NHS: variants seen among roughly 807,000 people sequenced by gnomAD.
NHS encodes the protein NHS actin remodeling regulator, also known as actin remodeling regulator NHS.
In NHS, 5 loss-of-function variants were observed where a neutral mutation model predicts 72.5. That is an observed-to-expected ratio of 0.07 (90% CI 0.04 to 0.14). The LOEUF is 0.14. Among genes scored for constraint, NHS ranks in the 10% least tolerant of loss-of-function variants. The pLI is 1.00. For synonymous variants in NHS, 464 were observed against 547.7 expected, an observed-to-expected ratio of 0.85 and a Z score of 2.13; for missense variants, 1,072 against 1,355.7, an observed-to-expected ratio of 0.79 and a Z score of 3.29.
chrX:17,500,695 A>G (rs909283839), intron 1 of NHS, among the ~76,000 whole-genome samples: 50 of 112,047 alleles, frequency 4.5e-4, no homozygotes, highest in African/African-American at 1.5e-3. Flanking sequence ...GCCTCTGCAC[A>G]TACTGTCAGA....
chrX:17,458,875 G>A (rs747718331), intron 1 of NHS, among the ~76,000 whole-genome samples: 69 of 112,065 alleles, frequency 6.2e-4, no homozygotes, highest in Non-Finnish European at 1.2e-3. Flanking sequence ...GTAACCCCAG[G>A]AGCAGTGCTA....
chrX:17,674,660 A>C (rs1473722557), intron 1 of NHS, among the ~76,000 whole-genome samples: 1 of 111,832 alleles, frequency 8.9e-6, no homozygotes, highest in Non-Finnish European at 1.9e-5. Flanking sequence ...TGGAGTTTCC[A>C]TCATAGGCTC....
At chrX:17,446,934 T>C (rs2064783876) in intron 1 of NHS, among the ~76,000 whole-genome samples, 1 of 112,356 alleles carries the variant, frequency 8.9e-6, no homozygotes, top group South Asian at 3.7e-4. Context: ...AGGCTTAATA[T>C]ATCTTAAACT....
At chrX:17,412,730 G>C (rs1008681006) in intron 1 of NHS, among the ~76,000 whole-genome samples, 1 of 112,704 alleles carries the variant, frequency 8.9e-6, no homozygotes, top group Non-Finnish European at 1.9e-5. Flanking sequence ...AAAGTCTAGT[G>C]CTTGTTGACT....
chrX:17,703,201 G>A (rs960257183), intron 3 of NHS, among the ~76,000 whole-genome samples: 2 of 111,829 alleles, frequency 1.8e-5, no homozygotes, highest in Non-Finnish European at 3.8e-5. Context: ...GGGAGGCTGA[G>A]GTGGAAGGAT....
At chrX:17,625,686 C>T (rs1307083202) in intron 1 of NHS, among the ~76,000 whole-genome samples, 1 of 111,846 alleles carries the variant, frequency 8.9e-6, no homozygotes, top group African/African-American at 3.2e-5. Context: ...TTTTAGTAAC[C>T]ATTTAAAAAA....
At chrX:17,723,770 T>TGTGTGTGTGTGTGTGTGTGTGCGC (rs541219770) in intron 5 of NHS, among the ~76,000 whole-genome samples, 1 of 91,337 alleles carries the variant, frequency 1.1e-5, no homozygotes, top group Admixed American at 1.1e-4. Flanking sequence ...TGTGTGTGTG[T>TGTGTGTGTGTGTGTGTGTGTGCGC]GCGCGCGCGT....
rs190010190 is a variant in NHS at position 17,421,686 on chromosome X, C to T, written c.565+45364C>T. 1.8e-3 allele frequency among the ~76,000 whole-genome samples: 195 copies of T among 110,391 alleles called. 2 individuals carry two copies. The highest frequency in any genetic ancestry group is 5.9e-3 in the African/African-American group (178 of 30,321). ...CTGCCTCCCAGGTTCAAGCAATTCT[C>T]CTGCCTCAGCCTCCCAAGTAGCTGG... On this transcript the variant is annotated intron_variant, in intron 1 of 8. Coordinates refer to ENST00000676302, the MANE Select transcript of NHS (RefSeq NM_001291867.2).
At chrX:17,459,529 A>G (rs2064838869) in intron 1 of NHS, among the ~76,000 whole-genome samples, 1 of 112,437 alleles carries the variant, frequency 8.9e-6, no homozygotes. Context: ...ACTTATTACA[A>G]ATTAAGCCCT....
At chrX:17,569,278 A>C (rs1269812800) in intron 1 of NHS, among the ~76,000 whole-genome samples, 2 of 111,266 alleles carry the variant, frequency 1.8e-5, no homozygotes, top group Non-Finnish European at 3.8e-5. Flanking sequence ...TTACACTCCC[A>C]CCAACAGTGT....
In NHS at chrX:17,735,096, G is replaced by C. The variant is rs1045845513; in HGVS notation, c.*2632G>C. ...TCACAGAACTAACCCTTATAATATA[G>C]TTTTACTTATTTTGTTTACTCTAAA... On this transcript the variant is annotated 3_prime_UTR_variant, in exon 9 of 9. Transcript: ENST00000676302. 8.9e-6 allele frequency: 1 copy of C among 112,296 alleles called. No individual in the cohort carries two copies. Among genetic ancestry groups the C allele is most frequent in the Non-Finnish European group, 1.9e-5 (1 of 53,186 alleles). 9.3% of individuals were successfully genotyped at this position (112,296 alleles called of 1,213,427 possible).
intron 1 of NHS, among the ~76,000 whole-genome samples, chrX:17,437,092 C>T (rs906997336): frequency 8.9e-6 from 1 of 111,760 alleles, no homozygotes; most frequent in African/African-American, 3.3e-5. Context: ...TTGATATTCA[C>T]ACACCCGGAA....
chrX:17,543,407 A>G (rs1419298495), intron 1 of NHS, among the ~76,000 whole-genome samples: 2 of 112,109 alleles, frequency 1.8e-5, no homozygotes, highest in Non-Finnish European at 3.8e-5. Context: ...GCCTGGAAAA[A>G]CTAACATAAC....
At chrX:17,724,747 G>A (rs1486067515) in intron 6 of NHS, among the ~76,000 whole-genome samples, 1 of 111,803 alleles carries the variant, frequency 8.9e-6, no homozygotes, top group Non-Finnish European at 1.9e-5. Flanking sequence ...TTTCTTTTTG[G>A]AAAATTGTAA....
intron 5 of NHS, among the ~76,000 whole-genome samples, chrX:17,723,823 G>A (rs1158319575): frequency 1.9e-5 from 2 of 106,854 alleles, no homozygotes; most frequent in African/African-American, 6.9e-5. Flanking sequence ...ATAAGAGATG[G>A]AGGGAACAAA....
intron 1 of NHS, among the ~76,000 whole-genome samples, chrX:17,534,798 C>T (rs1290588891): frequency 8.9e-6 from 1 of 112,405 alleles, no homozygotes; most frequent in Non-Finnish European, 1.9e-5. Flanking sequence ...TATTGGTGCC[C>T]ACCCACAAGT....
At chrX:17,433,213 T>G (rs1411482122) in intron 1 of NHS, among the ~76,000 whole-genome samples, 1 of 98,908 alleles carries the variant, frequency 1.0e-5, no homozygotes, top group African/African-American at 3.8e-5. Context: ...TTTTTTTTTT[T>G]TTTTTTTTTG....
intron 1 of NHS, among the ~76,000 whole-genome samples, chrX:17,671,978 G>A (rs1481395414): frequency 8.9e-6 from 1 of 111,774 alleles, no homozygotes; most frequent in Non-Finnish European, 1.9e-5. Flanking sequence ...CTGCACTCTT[G>A]CCATCTGAGT....
chrX:17,542,276 T>C (rs111668799), intron 1 of NHS, among the ~76,000 whole-genome samples: 6,154 of 113,211 alleles, frequency 0.054, 411 homozygotes, highest in African/African-American at 0.18. Flanking sequence ...ATGCCTGCTC[T>C]CCGGTTGCAG....
Sources: allele counts gnomAD v4.1 joint callset (sites outside exome capture counted in the v4.1 genomes callset), GRCh38; gene constraint gnomAD v4.1.1; transcripts MANE v1.5; gene names NCBI Gene and HGNC (gene_info 2026-07-23, HGNC 2026-07-21).